HPSE2: variants seen among roughly 807,000 people sequenced by gnomAD.
HPSE2 encodes the protein heparanase 2 (inactive), also known as inactive heparanase-2.
Under a neutral mutation model 60.5 loss-of-function variants are expected in HPSE2, and 38 were observed. The observed-to-expected ratio is 0.63, with a 90% CI of 0.48 to 0.82. The LOEUF (loss-of-function observed/expected upper bound fraction) is 0.82, where lower values mean the gene tolerates loss of function less well. Ranked by LOEUF, HPSE2 falls within the 40% of genes least tolerant of loss-of-function variation. The pLI is 0.00. For synonymous variants in HPSE2, 295 were observed against 293.2 expected (o/e 1.01, Z -0.06); for missense variants, 713 against 740.4 (o/e 0.96, Z 0.43).
At chr10:98,702,576 A>T (rs541125207) in intron 5 of HPSE2, among the ~76,000 whole-genome samples, 1 of 152,332 alleles carries the variant, frequency 6.6e-6, no homozygotes, top group African/African-American at 2.4e-5. Flanking sequence ...AATGGAAATC[A>T]TAACAGTCTC....
chr10:99,103,602 AT>A (rs1247218590), intron 3 of HPSE2, among the ~76,000 whole-genome samples: 1 of 152,202 alleles, frequency 6.6e-6, no homozygotes, highest in Non-Finnish European at 1.5e-5. Flanking sequence ...CAAGCTACCA[AT>A]GACTTTCTTC....
intron 5 of HPSE2, 143 bp from the exon 6 acceptor site, chr10:98,694,090 G>T (rs985496559): frequency 5.6e-6 from 4 of 712,088 alleles, no homozygotes; most frequent in Non-Finnish European, 1.0e-5. Context: ...CACAATCATG[G>T]CCTAGACACA....
rs1953029901 is a variant in HPSE2, at chr10:98,881,751, T to C, written c.611-137695A>G. Among the ~76,000 whole-genome samples, 3 of 152,106 alleles carry C rather than the reference T, an allele frequency of 2.0e-5. No individual in the cohort carries two copies. The South Asian group carries it at 6.2e-4, about 32-fold the overall frequency. ...GGAGAAGAACCCGAAATCACTGTGATGATGTTTAGTTATGACAGCTAGCCT... is the reference window on the plus strand; with the variant it reads ...GGAGAAGAACCCGAAATCACTGTGACGATGTTTAGTTATGACAGCTAGCCT... On this transcript the variant is annotated intron_variant, in intron 3 of 11. Coordinates refer to ENST00000370552, the MANE Select transcript of HPSE2 (RefSeq NM_021828.5).
At chr10:98,993,505 T>C (rs1000819900) in intron 3 of HPSE2, among the ~76,000 whole-genome samples, 2 of 152,204 alleles carry the variant, frequency 1.3e-5, no homozygotes, top group Admixed American at 6.5e-5. Flanking sequence ...TCATTAAACC[T>C]TTGAAACTTT....
chr10:98,825,390 A>G (rs76664984), intron 3 of HPSE2, among the ~76,000 whole-genome samples: 4 of 152,138 alleles, frequency 2.6e-5, no homozygotes, highest in African/African-American at 7.2e-5. Flanking sequence ...TGCCAATTAT[A>G]TAAGTCCTTA....
intron 4 of HPSE2, among the ~76,000 whole-genome samples, chr10:98,724,808 A>G (rs142036007): frequency 0.012 from 1,874 of 152,240 alleles, 30 homozygotes; most frequent in African/African-American, 0.042. Flanking sequence ...CACAAAATCA[A>G]TGTGCAAAAA....
At chr10:99,055,116 AAAAT>A (rs1232534726) in intron 3 of HPSE2, among the ~76,000 whole-genome samples, 2 of 152,218 alleles carry the variant, frequency 1.3e-5, no homozygotes, top group African/African-American at 4.8e-5. Flanking sequence ...TCCATAGTCA[AAAAT>A]AAATAAATAA....
chr10:98,851,398 A>G (rs9665130), intron 3 of HPSE2, among the ~76,000 whole-genome samples: 1,676 of 152,344 alleles, frequency 0.011, 33 homozygotes, highest in African/African-American at 0.037. Flanking sequence ...CATGAAGTGA[A>G]AAGATTTCAC....
At chr10:99,165,369 T>C (rs191165780) in intron 2 of HPSE2, among the ~76,000 whole-genome samples, 194 of 152,212 alleles carry the variant, frequency 1.3e-3, no homozygotes, top group Middle Eastern at 6.8e-3. Flanking sequence ...AGTATGATTG[T>C]GCCATTCATC....
intron 2 of HPSE2, among the ~76,000 whole-genome samples, chr10:99,148,878 A>G (rs1589732117): frequency 6.6e-6 from 1 of 152,232 alleles, no homozygotes; most frequent in East Asian, 1.9e-4. Context: ...GGGAAGGGCA[A>G]GAGGCAGGTG....
intron 4 of HPSE2, among the ~76,000 whole-genome samples, chr10:98,738,192 T>A (rs532313708): frequency 2.3e-4 from 35 of 152,142 alleles, no homozygotes; most frequent in Non-Finnish European, 8.8e-5. Context: ...TTTACAACCA[T>A]CTGTTCTTTG....
chr10:99,248,752 G>T, the HPSE2 span, among the ~76,000 whole-genome samples: 1 of 152,194 alleles, frequency 6.6e-6, no homozygotes, highest in Admixed American at 6.5e-5. Context: ...GGCCTAGGAG[G>T]GAAGAATGGT....
chr10:99,114,381 A>C (rs2135689028), intron 3 of HPSE2, among the ~76,000 whole-genome samples: 1 of 152,330 alleles, frequency 6.6e-6, no homozygotes, highest in East Asian at 1.9e-4. Flanking sequence ...AGGAACCTCT[A>C]AGAAACTGCT....
At chr10:99,035,725 T>C (rs1258100725) in intron 3 of HPSE2, among the ~76,000 whole-genome samples, 1 of 152,208 alleles carries the variant, frequency 6.6e-6, no homozygotes, top group African/African-American at 2.4e-5. Flanking sequence ...TACAATGTCA[T>C]TACGTGATAG....
rs77450680 is a variant in HPSE2 at position 98,959,073 on chromosome 10, G to C, written c.610+185165C>G. Among the ~76,000 whole-genome samples, 1,516 of 152,142 alleles carry C rather than the reference G, an allele frequency of 1.0e-2. 25 individuals carry two copies. The highest frequency in any genetic ancestry group is 0.034 in the African/African-American group (1,399 of 41,522). On this transcript the variant is annotated intron_variant, in intron 3 of 11. Coordinates refer to ENST00000370552, the MANE Select transcript of HPSE2 (RefSeq NM_021828.5). ...CAATGTTTAGCATGTAGTAAGCATA[G>C]AAGGCACTACAAATATGAAAGGCAA... is the stretch of plus-strand genomic sequence containing the variant.
intron 3 of HPSE2, among the ~76,000 whole-genome samples, chr10:98,945,681 A>G (rs1212654053): frequency 6.6e-6 from 1 of 152,186 alleles, no homozygotes; most frequent in Non-Finnish European, 1.5e-5. Flanking sequence ...ACAGTATGCA[A>G]AAGTGCATTA....
chr10:99,277,024 A>T, the HPSE2 span, among the ~76,000 whole-genome samples: 1 of 152,224 alleles, frequency 6.6e-6, no homozygotes, highest in Non-Finnish European at 1.5e-5. Flanking sequence ...CAATTCTGAA[A>T]GAATGGGACA....
Position 98,497,973 on chromosome 10 carries a change from T to A in HPSE2, c.1321-7777A>T, listed in dbSNP as rs139295093. Among the ~76,000 whole-genome samples, 284 of 152,336 alleles carry A rather than the reference T, an allele frequency of 1.9e-3. 1 individual carries two copies. The highest frequency in any genetic ancestry group is 6.6e-3 in the African/African-American group (276 of 41,574). On this transcript the variant is annotated intron_variant, in intron 9 of 11. Coordinates refer to ENST00000370552, the MANE Select transcript of HPSE2 (RefSeq NM_021828.5). The stretch of plus-strand genomic sequence containing the variant: ...TGGCCAGAAATCTGTCAATATGAGT[T>A]TCTGCATTAATTTGCCAGTATTAGG...
chr10:99,179,829 G>C (rs973147835), intron 2 of HPSE2, among the ~76,000 whole-genome samples: 7 of 150,704 alleles, frequency 4.6e-5, no homozygotes, highest in Non-Finnish European at 5.9e-5. Flanking sequence ...AAAGAACAAA[G>C]CTGGAGGCAT....
Sources: allele counts gnomAD v4.1 joint callset (sites outside exome capture counted in the v4.1 genomes callset), GRCh38; gene constraint gnomAD v4.1.1; transcripts MANE v1.5; gene names NCBI Gene and HGNC (gene_info 2026-07-23, HGNC 2026-07-21).